Variants in SPG7 observed in about 807,000 individuals in gnomAD.
The protein encoded by SPG7 is mitochondrial inner membrane m-AAA protease component paraplegin.
A neutral mutation model predicts 81.9 loss-of-function variants in SPG7; 103 were observed. The ratio of observed to expected loss-of-function variants is 1.26; its 90% CI spans 1.07 to 1.48. The LOEUF (loss-of-function observed/expected upper bound fraction) is 1.48. Among genes scored for constraint, SPG7 ranks in the 40% most tolerant of loss-of-function variants. The pLI is 0.00. For synonymous variants in SPG7, 534 were observed against 444.2 expected, an observed-to-expected ratio of 1.20 and a Z score of -2.54; for missense variants, 1,241 against 1,087.3, an observed-to-expected ratio of 1.14 and a Z score of -1.99.
intron 8 of SPG7, 134 bp from the exon 9 acceptor site, chr16:89,532,329 G>GA (rs2058355382): frequency 2.6e-6 from 3 of 1,172,688 alleles, no homozygotes; most frequent in African/African-American, 3.0e-5. Flanking sequence ...AGCAGCTGCC[G>GA]TGTGTCTGTT....
Position 89,542,496 on chromosome 16 carries a change from G to A in SPG7, c.1325-2152G>A, listed in dbSNP as rs1030672684. On this transcript the variant is annotated intron_variant, in intron 9 of 16. Coordinates refer to ENST00000645818, the MANE Select transcript of SPG7 (RefSeq NM_003119.4). ...ATTCTCTTCTGTGATCTCCCTTGTA[G>A]AAATGTGACTGGGACTTAGCATCCC... Among the ~76,000 whole-genome samples the A allele has an allele frequency of 3.9e-5, 6 of 152,352 alleles. No individual in the cohort carries two copies. In the East Asian group the frequency reaches 1.2e-3, roughly 29 times the overall value.
rs376376359 is a variant in SPG7 at position 89,513,021 on chromosome 16, G to A, written c.360G>A (p.Ala120=). 1.1e-5 allele frequency: 18 copies of A among 1,611,228 alleles called. No individual in the cohort carries two copies. The highest frequency in any genetic ancestry group is 3.3e-4 in the Middle Eastern group (2 of 6,076). ...AGAAGGATAAGTCGAAGGGGAAGGCGCCTGAAGAGGACGAAGGTATATTCA... is the reference window on the plus strand; with the variant it reads ...AGAAGGATAAGTCGAAGGGGAAGGCACCTGAAGAGGACGAAGGTATATTCA... The part of the protein sequence containing the change: ...NKEKDKSKGK[A]PEEDEEERRR... Residue 120 remains alanine (A), a synonymous_variant, in exon 3 of 17, where the codon GCG becomes GCA. Coordinates refer to ENST00000645818, the MANE Select transcript of SPG7 (RefSeq NM_003119.4).
intron 12 of SPG7, chr16:89,548,386 C>T: frequency 2.2e-6 from 1 of 452,946 alleles, no homozygotes; most frequent in Non-Finnish European, 4.0e-6. Flanking sequence ...AAAAATGCCC[C>T]CCAAAAATAA....
chr16:89,512,016 A>T (rs1472363703), intron 2 of SPG7, among the ~76,000 whole-genome samples: 2 of 151,636 alleles, frequency 1.3e-5, no homozygotes, highest in Non-Finnish European at 2.9e-5. Context: ...GATTCCCGCC[A>T]TTCTCCTGCC....
At chr16:89,508,636 C>A (rs1043843725) in intron 1 of SPG7, 36 bp downstream of exon 1, 1 of 1,428,010 alleles carries the variant, frequency 7.0e-7, no homozygotes, top group Non-Finnish European at 9.1e-7. Context: ...CACCTCCCGC[C>A]CGGCTCTGCT....
intron 2 of SPG7, among the ~76,000 whole-genome samples, 200 bp from the exon 3 acceptor site, chr16:89,512,748 T>C (rs1354906897): frequency 6.6e-6 from 1 of 152,240 alleles, no homozygotes; most frequent in African/African-American, 2.4e-5. Context: ...TTAAAATAGT[T>C]TATTATTTTG....
chr16:89,544,144 C>T (rs1390576797), intron 9 of SPG7: 2 of 228,302 alleles, frequency 8.8e-6, no homozygotes, highest in Non-Finnish European at 1.8e-5. Context: ...GGTTCACATA[C>T]ACCAGGGATC....
At position 89,532,030 on chromosome 16, in the gene SPG7, G is replaced by T. The variant is rs1438315244; in HGVS notation, c.1114G>T (p.Ala372Ser). The T allele has an allele frequency of 7.4e-6, 12 of 1,613,458 alleles. No homozygotes were observed. The highest frequency in any genetic ancestry group is 1.0e-5 in the Non-Finnish European group (12 of 1,179,976). The change falls in exon 8 of 17, where the codon GCG becomes TCG. Residue 372 changes from alanine (A) to serine (S), a missense_variant. Physicochemically the swap from Ala to Ser is moderately conservative, Grantham distance 99. Transcript: ENST00000645818. ...CACGGAGGCTCAGGTGCCCTTCCTG[G>T]CGATGGCCGGCCCAGAGTTCGTGGA... Reference protein sequence around the residue: ...VATEAQVPFLAMAGPEFVEVI... With the variant: ...VATEAQVPFLSMAGPEFVEVI...
chr16:89,540,990 C>T lies in SPG7; in HGVS notation c.1325-3658C>T, dbSNP rs1201146606. 6.1e-6 allele frequency: 6 copies of T among 985,228 alleles called. No individual in the cohort carries two copies. In the African/African-American group the frequency reaches 8.7e-5, roughly 14 times the overall value. The allele number at this position is 985,228 out of a possible 1,614,324, so 61.0% of individuals were successfully genotyped here. A position where few individuals can be genotyped will look rare whatever the true frequency, so the allele number is the denominator to read the frequency against. On this transcript the variant is annotated intron_variant, in intron 9 of 16. Coordinates refer to ENST00000645818, the MANE Select transcript of SPG7 (RefSeq NM_003119.4). ...AGCTGAAACTGGTGTATCCTTATCA[C>T]GGCGTTCTACACAGCGACTAGAAGA...
intron 3 of SPG7, chr16:89,523,363 G>C (rs2058216178): frequency 3.5e-6 from 1 of 284,144 alleles, no homozygotes; most frequent in Admixed American, 4.9e-5. Context: ...TGGGTAGGGA[G>C]AGAGAAGGCA....
chr16:89,550,491 C>T lies in SPG7; in HGVS notation c.1664-3C>T. On this transcript the variant is annotated splice_region_variant and splice_polypyrimidine_tract_variant and intron_variant, in intron 12 of 16. Transcript: ENST00000645818. ...CCCAACTCATACCCCGGCATTCTTT[C>T]AGGGACTGCCAAAAAGAGCAAGATC... 6.2e-7 allele frequency: 1 copy of T among 1,608,846 alleles called. No homozygotes were observed.
Position 89,529,460 on chromosome 16 carries a change from T to C in SPG7, c.759-17T>C. 1 of 1,579,092 alleles carries C rather than the reference T, an allele frequency of 6.3e-7. No individual in the cohort carries two copies. The highest frequency in any genetic ancestry group is 8.7e-7 in the Non-Finnish European group (1 of 1,150,412). On this transcript the variant is annotated splice_polypyrimidine_tract_variant and intron_variant, in intron 5 of 16. Coordinates refer to ENST00000645818, the MANE Select transcript of SPG7 (RefSeq NM_003119.4). ...GACACCGTCTGAGCCTGTGCCTGCC[T>C]CTCTTTCTTCCGGCAGTGCCCTGTA...
Position 89,557,507 on chromosome 16 carries a change from C to G in SPG7, c.*414C>G, listed in dbSNP as rs1451685369. ...GGCTCCCTCGGAATGCTAAGGGGAT[C>G]GGACATGAAAGGACCCTGTGAGCCG... On this transcript the variant is annotated 3_prime_UTR_variant, in exon 17 of 17. Transcript: ENST00000645818. 3.9e-6 allele frequency: 1 copy of G among 255,264 alleles called. No individual in the cohort carries two copies. The highest frequency in any genetic ancestry group is 7.8e-6 in the Non-Finnish European group (1 of 128,448). 15.8% of individuals were successfully genotyped at this position (255,264 alleles called of 1,614,324 possible).
intron 9 of SPG7, among the ~76,000 whole-genome samples, chr16:89,542,791 T>C (rs537577681): frequency 4.6e-5 from 7 of 151,816 alleles, no homozygotes; most frequent in African/African-American, 1.4e-4. Context: ...GGCTGGAGTA[T>C]AGGGGCATGA....
chr16:89,533,699 C>T (rs1426392321), intron 9 of SPG7: 1 of 152,084 alleles, frequency 6.6e-6, no homozygotes. Context: ...TTTGTTGTGA[C>T]CCCTTGAAAA....
At chr16:89,513,463 T>C (rs4513098) in intron 3 of SPG7, among the ~76,000 whole-genome samples, 65,787 of 151,242 alleles carry the variant, frequency 0.43, 14,765 homozygotes, top group East Asian at 0.67. Flanking sequence ...TTGCTGTGAG[T>C]GGAGATCATG....
chr16:89,544,468 G>A, intron 9 of SPG7, 180 bp from the exon 10 acceptor site: 1 of 678,100 alleles, frequency 1.5e-6, no homozygotes, highest in East Asian at 2.9e-5. Context: ...TCCTCCTGGT[G>A]ATGCTGGCTG....
chr16:89,524,391 T>G, intron 4 of SPG7, 144 bp downstream of exon 4: 2 of 921,826 alleles, frequency 2.2e-6, no homozygotes, highest in Non-Finnish European at 1.6e-6. Context: ...GAGGGCATGC[T>G]TCTTTCTCAT....
At chr16:89,513,127 A>G in intron 3 of SPG7, 90 bp downstream of exon 3, 2 of 1,526,594 alleles carry the variant, frequency 1.3e-6, no homozygotes, top group Non-Finnish European at 8.8e-7. Flanking sequence ...ACCAGTCTGG[A>G]AAATGGGGAG....
Sources: allele counts gnomAD v4.1 joint callset (sites outside exome capture counted in the v4.1 genomes callset), GRCh38; gene constraint gnomAD v4.1.1; transcripts MANE v1.5; gene names NCBI Gene and HGNC (gene_info 2026-07-23, HGNC 2026-07-21).